Variants in AGO3 observed in about 807,000 individuals in gnomAD.
AGO3 encodes the protein argonaute RISC catalytic component 3.
A neutral mutation model predicts 105.5 loss-of-function variants in AGO3; 16 were observed. The observed-to-expected ratio is 0.15, with a 90% CI of 0.10 to 0.23. AGO3 has a LOEUF of 0.23. Ranked by LOEUF, AGO3 falls within the 10% of genes least tolerant of loss-of-function variation. AGO3 has a pLI of 1.00. For missense variants in AGO3, 534 were observed against 1,088.0 expected (o/e 0.49, Z 7.16); for synonymous variants, 340 against 367.3 (o/e 0.93, Z 0.85).
intron 1 of AGO3, among the ~76,000 whole-genome samples, chr1:35,937,799 G>A (rs980728410): frequency 4.6e-5 from 7 of 152,096 alleles, no homozygotes; most frequent in Admixed American, 2.6e-4. Context: ...TAATAAGTGC[G>A]GTATGTTTGG....
intron 1 of AGO3, among the ~76,000 whole-genome samples, chr1:35,945,133 T>A (rs1204140114): frequency 6.6e-6 from 1 of 152,200 alleles, no homozygotes; most frequent in African/African-American, 2.4e-5. Context: ...CCTTGTCAAA[T>A]AATCAAATAA....
chr1:36,058,096 G>A lies in AGO3; in HGVS notation c.*2351G>A, dbSNP rs920545838. On this transcript the variant is annotated 3_prime_UTR_variant, in exon 19 of 19. Coordinates refer to ENST00000373191, the MANE Select transcript of AGO3 (RefSeq NM_024852.4). ...ATAGCTTAACATATTTAAATTATTTGCAAATAGATTGTGTTTATTGAAGAA... is the reference window on the plus strand; with the variant it reads ...ATAGCTTAACATATTTAAATTATTTACAAATAGATTGTGTTTATTGAAGAA... 2 of 152,142 alleles carry A rather than the reference G, an allele frequency of 1.3e-5. No homozygotes were observed. Among genetic ancestry groups the A allele is most frequent in the African/African-American group, 4.8e-5 (2 of 41,434 alleles). 9.4% of individuals were successfully genotyped at this position (152,142 alleles called of 1,614,324 possible).
chr1:35,945,907 T>G (rs1235310979), intron 2 of AGO3, 44 bp downstream of exon 2: 5 of 1,555,682 alleles, frequency 3.2e-6, no homozygotes, highest in Non-Finnish European at 4.4e-6. Context: ...ATTTTTTTCC[T>G]TAGTAATTAT....
intron 1 of AGO3, among the ~76,000 whole-genome samples, chr1:35,933,820 T>C (rs1646099883): frequency 6.6e-6 from 1 of 152,148 alleles, no homozygotes; most frequent in African/African-American, 2.4e-5. Flanking sequence ...TGTGATAGGA[T>C]ATTTTAAATT....
intron 11 of AGO3, among the ~76,000 whole-genome samples, chr1:36,019,320 T>C (rs1196000862): frequency 6.6e-6 from 1 of 152,230 alleles, no homozygotes; most frequent in African/African-American, 2.4e-5. Context: ...TCAACTTTTG[T>C]TTTCCCATGG....
intron 11 of AGO3, among the ~76,000 whole-genome samples, chr1:36,018,750 C>T (rs1031844589): frequency 6.6e-6 from 1 of 152,016 alleles, no homozygotes; most frequent in East Asian, 1.9e-4. Flanking sequence ...TTTTTTTTAT[C>T]CTTCACAAAT....
At position 36,061,999 on chromosome 1, in the gene AGO3, T is replaced by C. The variant is rs1157907445; in HGVS notation, c.*6254T>C. On this transcript the variant is annotated 3_prime_UTR_variant, in exon 19 of 19. Transcript: ENST00000373191. ...GTAAATTTGAAAACAAAATATTTAGTAGAATTACCTCTTTTAATTCCCAAC... is the reference window on the plus strand; with the variant it reads ...GTAAATTTGAAAACAAAATATTTAGCAGAATTACCTCTTTTAATTCCCAAC... 1 of 152,138 alleles carries C rather than the reference T, an allele frequency of 6.6e-6. No homozygotes were observed. The highest frequency in any genetic ancestry group is 1.5e-5 in the Non-Finnish European group (1 of 68,032). The allele number at this position is 152,138 out of a possible 1,614,324, so 9.4% of individuals were successfully genotyped here.
At chr1:35,994,144 G>A (rs1026879319) in intron 5 of AGO3, among the ~76,000 whole-genome samples, 2 of 133,118 alleles carry the variant, frequency 1.5e-5, no homozygotes, top group African/African-American at 2.9e-5. Flanking sequence ...TCAACCTCCC[G>A]AGCTATGCTG....
At chr1:35,970,378 A>C (rs1467070221) in intron 3 of AGO3, among the ~76,000 whole-genome samples, 1 of 151,810 alleles carries the variant, frequency 6.6e-6, no homozygotes, top group Admixed American at 6.6e-5. Context: ...TCCTTTCCTC[A>C]CTCCATTTCA....
intron 5 of AGO3, among the ~76,000 whole-genome samples, chr1:36,002,360 C>G (rs1489345706): frequency 7.8e-6 from 1 of 128,446 alleles, no homozygotes; most frequent in Admixed American, 8.0e-5. Flanking sequence ...GACAGAATCT[C>G]ACTCTGTCAC....
At chr1:35,943,941 T>C (rs970650658) in intron 1 of AGO3, among the ~76,000 whole-genome samples, 2 of 152,170 alleles carry the variant, frequency 1.3e-5, no homozygotes, top group African/African-American at 4.8e-5. Context: ...AAGTTAATCA[T>C]GTTTTAGTGT....
At chr1:35,947,714 C>T (rs1646393158) in intron 2 of AGO3, among the ~76,000 whole-genome samples, 1 of 152,070 alleles carries the variant, frequency 6.6e-6, no homozygotes, top group Non-Finnish European at 1.5e-5. Flanking sequence ...TTAGGCTAGT[C>T]TTGGTTTTGG....
chr1:35,980,057 T>A (rs1647024595), intron 5 of AGO3, among the ~76,000 whole-genome samples: 1 of 152,198 alleles, frequency 6.6e-6, no homozygotes, highest in Non-Finnish European at 1.5e-5. Context: ...ATGGTAGTCC[T>A]CATCTTAGGA....
rs369768299 is a variant in AGO3 at position 35,998,577 on chromosome 1, T to G, written c.659-5764T>G. Among the ~76,000 whole-genome samples, 17 of 152,268 alleles carry G rather than the reference T, an allele frequency of 1.1e-4. No homozygotes were observed. The East Asian group carries it at 1.5e-3, about 14-fold the overall frequency. On this transcript the variant is annotated intron_variant, in intron 5 of 18. Coordinates refer to ENST00000373191, the MANE Select transcript of AGO3 (RefSeq NM_024852.4). ...TATTTTCAGCTTGTTACCCTTAAAG[T>G]TTTTTCTAATCTTGATTGGTATAAA...
chr1:35,982,020 T>A (rs551735415), intron 5 of AGO3, among the ~76,000 whole-genome samples: 1 of 152,364 alleles, frequency 6.6e-6, no homozygotes, highest in South Asian at 2.1e-4. Flanking sequence ...TTTTTGTTTT[T>A]AACATTGTTT....
intron 3 of AGO3, among the ~76,000 whole-genome samples, chr1:35,967,487 T>C (rs1646796258): frequency 2.0e-5 from 3 of 151,458 alleles, no homozygotes; most frequent in African/African-American, 4.9e-5. Flanking sequence ...TGATCTCGGC[T>C]CACTGCAACC....
Position 36,065,684 on chromosome 1 carries a change from G to A in AGO3, c.*9939G>A, listed in dbSNP as rs1327757763. ...CCTTCTGAAAGTTCATAGAAACCTG[G>A]CATATAGAGCTTATTTTGCTGTTTT... is the stretch of plus-strand genomic sequence containing the variant. On this transcript the variant is annotated 3_prime_UTR_variant, in exon 19 of 19. Transcript: ENST00000373191. 1 of 152,210 alleles carries A rather than the reference G, an allele frequency of 6.6e-6. No individual in the cohort carries two copies. The highest frequency in any genetic ancestry group is 1.5e-5 in the Non-Finnish European group (1 of 68,112). The allele number at this position is 152,210 out of a possible 1,614,324, so 9.4% of individuals were successfully genotyped here.
chr1:36,061,745 T>C lies in AGO3; in HGVS notation c.*6000T>C, dbSNP rs893970634. On this transcript the variant is annotated 3_prime_UTR_variant, in exon 19 of 19. Coordinates refer to ENST00000373191, the MANE Select transcript of AGO3 (RefSeq NM_024852.4). The stretch of plus-strand genomic sequence containing the variant: ...TGAGTTAAATTTTTTAATCATTTTT[T>C]AAAGCAAGGCGGTTCTTAGAAAGTG... 6.6e-6 allele frequency: 1 copy of C among 152,200 alleles called. No homozygotes were observed. Among genetic ancestry groups the C allele is most frequent in the Non-Finnish European group, 1.5e-5 (1 of 68,042 alleles). 9.4% of individuals were successfully genotyped at this position (152,200 alleles called of 1,614,324 possible).
intron 2 of AGO3, among the ~76,000 whole-genome samples, chr1:35,952,625 T>G (rs1303930900): frequency 6.6e-6 from 1 of 152,188 alleles, no homozygotes; most frequent in African/African-American, 2.4e-5. Flanking sequence ...TAATACCGTA[T>G]TTTTACTGTA....
Sources: gnomAD v4.1 joint callset for allele counts (sites outside exome capture counted in the v4.1 genomes callset) on GRCh38, gnomAD v4.1.1 for gene constraint, MANE v1.5 for transcripts, NCBI Gene and HGNC (gene_info 2026-07-23, HGNC 2026-07-21) for gene names.